PCDHA6: variants seen among roughly 807,000 people sequenced by gnomAD.
PCDHA6 encodes protocadherin alpha 6, also known as protocadherin alpha-6.
In PCDHA6, 55 loss-of-function variants were observed where a neutral mutation model predicts 60.3. That is an observed-to-expected ratio of 0.91 (90% CI 0.73 to 1.14). The LOEUF (loss-of-function observed/expected upper bound fraction) is 1.14, where lower values mean the gene tolerates loss of function less well. PCDHA6 is among the 50% of genes most tolerant of loss of function. The pLI, the probability that PCDHA6 is intolerant of heterozygous loss-of-function variation, is 0.00. For synonymous variants in PCDHA6, 652 were observed against 557.9 expected, an observed-to-expected ratio of 1.17 and a Z score of -2.38; for missense variants, 1,327 against 1,256.5, an observed-to-expected ratio of 1.06 and a Z score of -0.85.
chr5:140,883,171 A>G, intron 1 of PCDHA6: 7 of 1,614,008 alleles, frequency 4.3e-6, no homozygotes, highest in Non-Finnish European at 5.9e-6. Flanking sequence ...ACAATGGAGA[A>G]ATTAGGACAA....
intron 3 of PCDHA6, among the ~76,000 whole-genome samples, chr5:140,997,912 A>T (rs2097790316): frequency 1.3e-5 from 2 of 152,224 alleles, no homozygotes. Context: ...GTAGAATTAC[A>T]GAATCATAGG....
chr5:140,961,647 G>C (rs1204313600), intron 1 of PCDHA6, among the ~76,000 whole-genome samples: 10 of 152,104 alleles, frequency 6.6e-5, no homozygotes, highest in African/African-American at 2.4e-4. Flanking sequence ...AAGTCTATGT[G>C]GTTAGTTTGA....
intron 1 of PCDHA6, chr5:140,869,787 G>A (rs1554163463): frequency 3.1e-6 from 5 of 1,612,888 alleles, no homozygotes; most frequent in Middle Eastern, 1.6e-4. Flanking sequence ...CCGTTCGGCT[G>A]TTAGTCCAAG....
chr5:140,985,975 G>A (rs2097182023), intron 3 of PCDHA6, among the ~76,000 whole-genome samples: 2 of 152,148 alleles, frequency 1.3e-5, no homozygotes, highest in South Asian at 2.1e-4. Flanking sequence ...TCCTGACCTC[G>A]TGATCCGCCC....
intron 1 of PCDHA6, among the ~76,000 whole-genome samples, chr5:140,901,222 C>A (rs1336015424): frequency 6.6e-6 from 1 of 151,984 alleles, no homozygotes; most frequent in Admixed American, 6.6e-5. Context: ...TGATGTGATC[C>A]CATATATCCA....
At chr5:140,838,084 GT>G (rs1775513754) in intron 1 of PCDHA6, among the ~76,000 whole-genome samples, 1 of 31,456 alleles carries the variant, frequency 3.2e-5, no homozygotes, top group Non-Finnish European at 6.5e-5. Flanking sequence ...TATAGTGTGT[GT>G]GTGTGTGTGT....
intron 1 of PCDHA6, among the ~76,000 whole-genome samples, chr5:140,963,972 A>G (rs1233467161): frequency 2.0e-5 from 3 of 152,216 alleles, no homozygotes; most frequent in Non-Finnish European, 4.4e-5. Flanking sequence ...GACTGACTCC[A>G]AAGTCTATAT....
chr5:140,967,747 A>C, intron 1 of PCDHA6: 1 of 1,614,160 alleles, frequency 6.2e-7, no homozygotes, highest in Non-Finnish European at 8.5e-7. Context: ...ATTATGAGGA[A>C]GCCTCCTCCT....
intron 1 of PCDHA6, chr5:140,928,231 CA>C: frequency 6.2e-7 from 1 of 1,614,226 alleles, no homozygotes; most frequent in Non-Finnish European, 8.5e-7. Flanking sequence ...AAACTTTCCT[CA>C]ACCCCAGCAG....
intron 1 of PCDHA6, chr5:140,882,737 G>A (rs1375859660): frequency 6.2e-7 from 1 of 1,614,090 alleles, no homozygotes; most frequent in Admixed American, 1.7e-5. Flanking sequence ...ACTAGATGGC[G>A]CATCCGATGC....
intron 1 of PCDHA6, chr5:140,927,440 C>T (rs782460713): frequency 3.7e-6 from 6 of 1,614,050 alleles, no homozygotes; most frequent in Admixed American, 3.3e-5. Context: ...AGCGAATACC[C>T]GGAGTTGGTG....
Position 140,843,320 on chromosome 5 carries a change from G to T in PCDHA6, c.2394+12835G>T, listed in dbSNP as rs2150357378. ...GCTGACCGCCACGGCCACGGTTCTGGTGTCGCTGGTGGAGAGCGGCCAGGC... is the reference window on the plus strand; with the variant it reads ...GCTGACCGCCACGGCCACGGTTCTGTTGTCGCTGGTGGAGAGCGGCCAGGC... On this transcript the variant is annotated intron_variant, in intron 1 of 3. Coordinates refer to ENST00000529310, the MANE Select transcript of PCDHA6 (RefSeq NM_018909.4). 2.5e-6 allele frequency: 4 copies of T among 1,596,056 alleles called. No individual in the cohort carries two copies. The South Asian group carries it at 4.4e-5, about 18-fold the overall frequency.
rs1336398509 is a variant in PCDHA6 at position 140,898,765 on chromosome 5, G to A, written c.2394+68280G>A. On this transcript the variant is annotated intron_variant, in intron 1 of 3. Transcript: ENST00000529310. ...GCTTGATGGGGATGGCATTGAATCT[G>A]TAAATTACCTTGGGCAGTATGGCCA... 8.0e-3 allele frequency among the ~76,000 whole-genome samples: 1,218 copies of A among 151,752 alleles called. 6 individuals are homozygous for A. The highest frequency in any genetic ancestry group is 0.019 in the African/African-American group (786 of 41,220).
rs1554262808 is a variant in PCDHA6, at chr5:141,010,232, A to T, written c.*295A>T. On this transcript the variant is annotated 3_prime_UTR_variant, in exon 4 of 4. Coordinates refer to ENST00000529310, the MANE Select transcript of PCDHA6 (RefSeq NM_018909.4). ...AAAGGAGAGGCTTCCCAGCCCCGCC[A>T]GTGAGAGGTTGGACTCTCTGCCCTG... 6.4e-7 allele frequency: 1 copy of T among 1,551,952 alleles called. No homozygotes were observed. The highest frequency in any genetic ancestry group is 2.0e-5 in the Admixed American group (1 of 51,018).
intron 1 of PCDHA6, chr5:140,856,057 C>T: frequency 6.3e-7 from 1 of 1,587,068 alleles, no homozygotes; most frequent in East Asian, 2.2e-5. Flanking sequence ...AGATGGTTTC[C>T]AGATGTAGCT....
intron 1 of PCDHA6, among the ~76,000 whole-genome samples, chr5:140,940,028 G>C (rs782276273): frequency 3.2e-4 from 48 of 152,048 alleles, no homozygotes; most frequent in Non-Finnish European, 5.4e-4. Context: ...ATGTTTTAAG[G>C]CTATTTTATT....
At position 140,828,693 on chromosome 5, in the gene PCDHA6, A is replaced by G. The variant is rs2150157949; in HGVS notation, c.602A>G (p.Asp201Gly). Reference protein sequence around the residue: ...QIGLLLKKSLDREEAPAHNLF... With the variant: ...QIGLLLKKSLGREEAPAHNLF... ...GGGCTCTTATTAAAGAAATCCTTGGACAGAGAGGAAGCTCCTGCACACAAC... is the reference window on the plus strand; with the variant it reads ...GGGCTCTTATTAAAGAAATCCTTGGGCAGAGAGGAAGCTCCTGCACACAAC... Residue 201 changes from aspartate to glycine, a missense_variant, in exon 1 of 4, where the codon GAC becomes GGC. Physicochemically the swap from Asp to Gly is moderately conservative, Grantham distance 94. Coordinates refer to ENST00000529310, the MANE Select transcript of PCDHA6 (RefSeq NM_018909.4). 5.6e-6 allele frequency: 9 copies of G among 1,614,130 alleles called. No individual in the cohort carries two copies. The highest frequency in any genetic ancestry group is 1.1e-5 in the South Asian group (1 of 91,094).
intron 3 of PCDHA6, among the ~76,000 whole-genome samples, chr5:140,997,106 C>T (rs2153943751): frequency 6.6e-6 from 1 of 152,162 alleles, no homozygotes; most frequent in South Asian, 2.1e-4. Context: ...CTCATGCACT[C>T]CTGCTCTCCC....
intron 1 of PCDHA6, among the ~76,000 whole-genome samples, chr5:140,965,464 C>T (rs987279720): frequency 1.3e-5 from 2 of 151,782 alleles, no homozygotes; most frequent in Admixed American, 1.3e-4. Context: ...AAGATAAATC[C>T]CAGACTCCCA....
Sources: allele counts gnomAD v4.1 joint callset (sites outside exome capture counted in the v4.1 genomes callset), GRCh38; gene constraint gnomAD v4.1.1; transcripts MANE v1.5; gene names NCBI Gene and HGNC (gene_info 2026-07-23, HGNC 2026-07-21).